The following CNR1 variants were observed in gnomAD, a reference collection of about 807,000 sequenced individuals.
CNR1 encodes the protein cannabinoid receptor 1 (brain).
CNR1 carries 10 observed loss-of-function variants against 23.0 expected under a neutral mutation model. The ratio of observed to expected loss-of-function variants is 0.43; its 90% CI spans 0.27 to 0.74. The LOEUF is 0.74. CNR1 is among the 30% of genes least tolerant of loss of function. The pLI, the probability that CNR1 is intolerant of heterozygous loss-of-function variation, is 0.19. For synonymous variants in CNR1, 271 were observed against 255.2 expected (o/e 1.06, Z -0.59); for missense variants, 422 against 618.8 (o/e 0.68, Z 3.37).
At chr6:88,146,224 G>A (rs1777176504) in intron 1 of CNR1, among the ~76,000 whole-genome samples, 1 of 152,060 alleles carries the variant, frequency 6.6e-6, no homozygotes, top group Admixed American at 6.6e-5. Context: ...TCCTGCCTCA[G>A]CCTCTTGAGT....
rs1460905606 is a variant in CNR1 at position 88,160,145 on chromosome 6, T to C, written c.-64+5658A>G. ...GAGTTCAAGACCAGCGTGGCCAACA[T>C]GGTGAAACCCCGTCTGCACGAAAAA... On this transcript the variant is annotated intron_variant, in intron 1 of 1. Transcript: ENST00000369501. 2.0e-5 allele frequency among the ~76,000 whole-genome samples: 3 copies of C among 152,050 alleles called. No individual in the cohort carries two copies. The East Asian group carries it at 5.8e-4, about 29-fold the overall frequency.
intron 1 of CNR1, among the ~76,000 whole-genome samples, chr6:88,165,456 G>A (rs1428541563): frequency 2.6e-5 from 4 of 152,230 alleles, no homozygotes; most frequent in Non-Finnish European, 5.9e-5. Flanking sequence ...AGAGATCGAT[G>A]TATTTCCCTG....
chr6:88,160,370 C>T (rs1161124644), intron 1 of CNR1, among the ~76,000 whole-genome samples: 1 of 151,670 alleles, frequency 6.6e-6, no homozygotes, highest in East Asian at 1.9e-4. Context: ...TATGAATTAC[C>T]TAGTACAAAC....
intron 1 of CNR1, among the ~76,000 whole-genome samples, chr6:88,158,615 TCCATTCTTAGCAAGG>T (rs1025814788): frequency 3.3e-5 from 5 of 152,300 alleles, no homozygotes; most frequent in African/African-American, 1.2e-4. Context: ...GGGGTGCATC[TCCATTCTTAGCAAGG>T]CCTTTAGGAG....
intron 1 of CNR1, among the ~76,000 whole-genome samples, chr6:88,162,655 AAG>A (rs1460907886): frequency 6.6e-6 from 1 of 152,218 alleles, no homozygotes; most frequent in Non-Finnish European, 1.5e-5. Flanking sequence ...AGAAAACATG[AAG>A]TTAAAATTTT....
rs1485176952 is a variant in CNR1 at position 88,142,731 on chromosome 6, A to G, written c.*1125T>C. 5 of 152,638 alleles carry G rather than the reference A, an allele frequency of 3.3e-5. No individual in the cohort carries two copies. The highest frequency in any genetic ancestry group is 1.2e-4 in the African/African-American group (5 of 41,462). The allele number at this position is 152,638 out of a possible 1,614,324, so 9.5% of individuals were successfully genotyped here. A position where few individuals can be genotyped will look rare whatever the true frequency, so the allele number is the denominator to read the frequency against. On this transcript the variant is annotated 3_prime_UTR_variant, in exon 2 of 2. Coordinates refer to ENST00000369501, the MANE Select transcript of CNR1 (RefSeq NM_016083.6). Reference sequence around the variant, plus strand: ...GGTCACAGTTTTCTCACTTTATGACATTACTGTAACAGTTACAGGACAGAA... The same window carrying G: ...GGTCACAGTTTTCTCACTTTATGACGTTACTGTAACAGTTACAGGACAGAA...
chr6:88,152,710 A>G (rs1777594210), intron 1 of CNR1, among the ~76,000 whole-genome samples: 2 of 152,216 alleles, frequency 1.3e-5, no homozygotes. Flanking sequence ...AGTTAATGGG[A>G]TCATGGCAGG....
At chr6:88,149,064 G>A (rs1305609540) in intron 1 of CNR1, among the ~76,000 whole-genome samples, 4 of 152,186 alleles carry the variant, frequency 2.6e-5, no homozygotes, top group Non-Finnish European at 2.9e-5. Context: ...CCAGAGGCAG[G>A]AGCTCTAAGG....
chr6:88,143,837 T>C lies in CNR1; in HGVS notation c.*19A>G, dbSNP rs1016906543. 8 of 1,584,016 alleles carry C rather than the reference T, an allele frequency of 5.1e-6. No individual in the cohort carries two copies. Among genetic ancestry groups the C allele is most frequent in the Non-Finnish European group, 6.0e-6 (7 of 1,162,920 alleles). ...AAAAAAAAAAATTCTTTTCCTGTGC[T>C]GCCAGGGAGGCATCAGGCTCACAGA... On this transcript the variant is annotated 3_prime_UTR_variant, in exon 2 of 2. Transcript: ENST00000369501.
rs1232267353 is a variant in CNR1, at chr6:88,145,314, G to A, written c.-40C>T. ...ATTAGGCTGAGCTCAAAATGACTGA[G>A]AAAGTGACCCACAGGGGGCAATCCT... is the stretch of plus-strand genomic sequence containing the variant. On this transcript the variant is annotated 5_prime_UTR_variant, in exon 2 of 2. Transcript: ENST00000369501. 1 of 1,533,164 alleles carries A rather than the reference G, an allele frequency of 6.5e-7. No individual in the cohort carries two copies. Among genetic ancestry groups the A allele is most frequent in the African/African-American group, 1.4e-5 (1 of 72,830 alleles). 95.0% of individuals were successfully genotyped at this position (1,533,164 alleles called of 1,614,324 possible).
chr6:88,151,324 C>A (rs1777507158), intron 1 of CNR1, among the ~76,000 whole-genome samples: 1 of 152,166 alleles, frequency 6.6e-6, no homozygotes, highest in South Asian at 2.1e-4. Context: ...GATACACCAT[C>A]TCTCTAAGCT....
chr6:88,165,521 C>T (rs1021840413), intron 1 of CNR1, among the ~76,000 whole-genome samples: 1 of 152,206 alleles, frequency 6.6e-6, no homozygotes, highest in Non-Finnish European at 1.5e-5. Context: ...CTCAAGCGCC[C>T]GTTTTTCAAA....
In CNR1 at chr6:88,144,531, G is replaced by A. The variant is rs762643235; in HGVS notation, c.744C>T (p.Ala248=). 2.0e-5 allele frequency: 32 copies of A among 1,614,088 alleles called. No homozygotes were observed. The highest frequency in any genetic ancestry group is 1.6e-4 in the Middle Eastern group (1 of 6,084). Residue 248 remains alanine (A), a synonymous_variant, in exon 2 of 2, where the codon GCC becomes GCT. Transcript: ENST00000369501. This position sits in a 1 kb window ranked among gnomAD's most constrained non-coding sequence, Gnocchi z 7.8. ...AGTTCCAGCCCAGGAGAGGCAGCACGGCGATCACAATGGCTATGGTCCACA... is the reference window on the plus strand; with the variant it reads ...AGTTCCAGCCCAGGAGAGGCAGCACAGCGATCACAATGGCTATGGTCCACA... ...CLMWTIAIVI[A]VLPLLGWNCE... is the part of the protein sequence containing the mutation.
At chr6:88,165,635 C>G (rs910893969) in intron 1 of CNR1, among the ~76,000 whole-genome samples, 168 bp downstream of exon 1, 1 of 152,208 alleles carries the variant, frequency 6.6e-6, no homozygotes, top group African/African-American at 2.4e-5. Flanking sequence ...AGAAGTAGAA[C>G]AGATCACAGT....
intron 1 of CNR1, chr6:88,162,864 T>C (rs1778176240): frequency 6.6e-6 from 1 of 152,220 alleles, no homozygotes; most frequent in Non-Finnish European, 1.5e-5. Flanking sequence ...AGCAGAATTA[T>C]AAATAATTTA....
intron 1 of CNR1, among the ~76,000 whole-genome samples, chr6:88,162,130 C>T (rs1383684063): frequency 3.3e-5 from 5 of 152,192 alleles, no homozygotes. Context: ...TCCTGGAAAA[C>T]AAGAATGGCC....
rs143145453 is a variant in CNR1, at chr6:88,144,540, A to T, written c.735T>A (p.Ile245=). ...VAFCLMWTIA[I]VIAVLPLLGW... Reference sequence around the variant, plus strand: ...CCAGGAGAGGCAGCACGGCGATCACAATGGCTATGGTCCACATCAGGCAAA... The same window carrying T: ...CCAGGAGAGGCAGCACGGCGATCACTATGGCTATGGTCCACATCAGGCAAA... Residue 245 remains isoleucine (I), a synonymous_variant, in exon 2 of 2, where the codon ATT becomes ATA. Transcript: ENST00000369501. The surrounding 1 kb of genome is among the most constrained non-coding windows in gnomAD (Gnocchi z 7.8). 7 of 1,614,086 alleles carry T rather than the reference A, an allele frequency of 4.3e-6. No individual in the cohort carries two copies. Among genetic ancestry groups the T allele is most frequent in the Non-Finnish European group, 5.9e-6 (7 of 1,180,050 alleles).
Position 88,155,445 on chromosome 6 carries a change from C to A in CNR1, c.-63-10108G>T, listed in dbSNP as rs573243650. Reference sequence around the variant, plus strand: ...TTCCACACACTCAGAGAGAAAAATCCTTTACCCAAGGTCTCTAACTAGACA... The same window carrying A: ...TTCCACACACTCAGAGAGAAAAATCATTTACCCAAGGTCTCTAACTAGACA... On this transcript the variant is annotated intron_variant, in intron 1 of 1. Transcript: ENST00000369501. Among the ~76,000 whole-genome samples, 3 of 152,208 alleles carry A rather than the reference C, an allele frequency of 2.0e-5. No individual in the cohort carries two copies. The East Asian group carries it at 5.8e-4, about 29-fold the overall frequency.
Position 88,143,855 on chromosome 6 carries a change from C to A in CNR1, c.*1G>T. On this transcript the variant is annotated 3_prime_UTR_variant, in exon 2 of 2. Transcript: ENST00000369501. ...CCTGTGCTGCCAGGGAGGCATCAGG[C>A]TCACAGAGCCTCGGCAGACGTGTCT... 1 of 1,610,766 alleles carries A rather than the reference C, an allele frequency of 6.2e-7. No individual in the cohort carries two copies. Among genetic ancestry groups the A allele is most frequent in the Non-Finnish European group, 8.5e-7 (1 of 1,177,364 alleles).
Sources: gnomAD v4.1 joint callset for allele counts (sites outside exome capture counted in the v4.1 genomes callset) on GRCh38, gnomAD v4.1.1 for gene constraint, Gnocchi (gnomAD v3.1) non-coding constraint, MANE v1.5 for transcripts, NCBI Gene and HGNC (gene_info 2026-07-23, HGNC 2026-07-21) for gene names.